Variants in CSMD1 observed in about 807,000 individuals in gnomAD.
The protein encoded by CSMD1 is CUB and sushi domain-containing protein 1.
In CSMD1, 213 loss-of-function variants were observed where a neutral mutation model predicts 417.5. The observed-to-expected ratio is 0.51, with a 90% CI of 0.46 to 0.57. The LOEUF (loss-of-function observed/expected upper bound fraction) is 0.57. Ranked by LOEUF, CSMD1 falls within the 20% of genes least tolerant of loss-of-function variation. CSMD1 has a pLI of 0.00. For synonymous variants in CSMD1, 2,862 were observed against 1,736.8 expected (o/e 1.65, Z -16.11); for missense variants, 6,923 against 4,529.7 (o/e 1.53, Z -15.17).
At chr8:4,537,885 T>C (rs536167887) in intron 2 of CSMD1, among the ~76,000 whole-genome samples, 54 of 152,338 alleles carry the variant, frequency 3.5e-4, no homozygotes, top group Admixed American at 8.5e-4. Context: ...TTAGAATGCT[T>C]ATTTTCTCAT....
chr8:4,153,101 G>A (rs879098840), intron 3 of CSMD1, among the ~76,000 whole-genome samples: 2 of 152,150 alleles, frequency 1.3e-5, no homozygotes, highest in African/African-American at 4.8e-5. Flanking sequence ...TGTAATTAAT[G>A]TAGCCGTAAA....
At chr8:4,379,977 T>A (rs1802997860) in intron 3 of CSMD1, among the ~76,000 whole-genome samples, 1 of 152,134 alleles carries the variant, frequency 6.6e-6, no homozygotes, top group Non-Finnish European at 1.5e-5. Flanking sequence ...AGAAAACACA[T>A]GGAATAGCAT....
chr8:3,450,642 A>C (rs1021249825), intron 12 of CSMD1, among the ~76,000 whole-genome samples: 2 of 152,014 alleles, frequency 1.3e-5, no homozygotes, highest in African/African-American at 4.8e-5. Context: ...AAGGACATGA[A>C]CTCATCATTT....
At chr8:4,263,042 C>T (rs751525847) in intron 3 of CSMD1, among the ~76,000 whole-genome samples, 1 of 152,228 alleles carries the variant, frequency 6.6e-6, no homozygotes, top group East Asian at 1.9e-4. Context: ...AATGTTAGAA[C>T]AGAATTGTAT....
chr8:4,787,977 A>G (rs1462511566), intron 1 of CSMD1: 26 of 1,594,998 alleles, frequency 1.6e-5, no homozygotes, highest in East Asian at 4.5e-5. Context: ...AGGAGATCGA[A>G]GCCAACAGAA....
intron 3 of CSMD1, among the ~76,000 whole-genome samples, chr8:4,297,954 G>C (rs916926759): frequency 2.0e-5 from 3 of 152,078 alleles, no homozygotes; most frequent in Non-Finnish European, 4.4e-5. Context: ...GCTAGGTGAC[G>C]GATTACCTGA....
At chr8:4,343,575 G>A (rs1452341499) in intron 3 of CSMD1, among the ~76,000 whole-genome samples, 1 of 152,056 alleles carries the variant, frequency 6.6e-6, no homozygotes, top group Non-Finnish European at 1.5e-5. Flanking sequence ...AATAGAGCTG[G>A]AATAAAGTAT....
chr8:4,273,779 C>G (rs746937693), intron 3 of CSMD1, among the ~76,000 whole-genome samples: 19 of 152,144 alleles, frequency 1.2e-4, no homozygotes, highest in Non-Finnish European at 1.6e-4. Flanking sequence ...CCTCTGTAAG[C>G]TTCTGTCTGC....
intron 2 of CSMD1, among the ~76,000 whole-genome samples, chr8:4,486,485 T>C (rs1469000941): frequency 2.0e-5 from 3 of 151,816 alleles, no homozygotes; most frequent in African/African-American, 7.3e-5. Context: ...ATATTAGTTT[T>C]AGATTTTAAA....
chr8:3,475,962 T>C (rs1352738784), intron 11 of CSMD1, among the ~76,000 whole-genome samples: 1 of 152,228 alleles, frequency 6.6e-6, no homozygotes, highest in African/African-American at 2.4e-5. Flanking sequence ...TTTTACTGTG[T>C]AGACAAGAAC....
At chr8:4,051,113 C>G (rs1056770051) in intron 3 of CSMD1, among the ~76,000 whole-genome samples, 1 of 151,128 alleles carries the variant, frequency 6.6e-6, no homozygotes, top group Non-Finnish European at 1.5e-5. Context: ...AAGGGAGAAC[C>G]AGGAAAAAGA....
chr8:4,778,183 C>A (rs1001197941), intron 1 of CSMD1, among the ~76,000 whole-genome samples: 1 of 152,060 alleles, frequency 6.6e-6, no homozygotes, highest in Non-Finnish European at 1.5e-5. Context: ...ATAAAATTTT[C>A]CATTCATTAA....
At chr8:4,058,169 T>C (rs761080293) in intron 3 of CSMD1, among the ~76,000 whole-genome samples, 2 of 152,202 alleles carry the variant, frequency 1.3e-5, no homozygotes, top group Non-Finnish European at 2.9e-5. Flanking sequence ...CCCATGAGCA[T>C]GGAATGTTCT....
chr8:4,068,006 T>A (rs1799341969), intron 3 of CSMD1, among the ~76,000 whole-genome samples: 1 of 151,580 alleles, frequency 6.6e-6, no homozygotes, highest in African/African-American at 2.4e-5. Context: ...GAACCCTGAG[T>A]GGGGGCGAAG....
chr8:3,725,432 G>A (rs1802425829), intron 6 of CSMD1, among the ~76,000 whole-genome samples: 1 of 152,166 alleles, frequency 6.6e-6, no homozygotes, highest in Non-Finnish European at 1.5e-5. Flanking sequence ...CAGAGATTTG[G>A]GACCAAAGCT....
chr8:3,447,993 G>T (rs985985666), intron 12 of CSMD1, among the ~76,000 whole-genome samples: 2 of 152,090 alleles, frequency 1.3e-5, no homozygotes, highest in Non-Finnish European at 2.9e-5. Context: ...CTGAGGAAAT[G>T]AGAGTCCTGA....
chr8:4,353,638 C>A (rs1448000105), intron 3 of CSMD1, among the ~76,000 whole-genome samples: 1 of 152,044 alleles, frequency 6.6e-6, no homozygotes, highest in Admixed American at 6.6e-5. Flanking sequence ...CCCAACGGGA[C>A]AGGCTAAACC....
chr8:4,316,047 A>G (rs927444122), intron 3 of CSMD1, among the ~76,000 whole-genome samples: 1 of 152,122 alleles, frequency 6.6e-6, no homozygotes, highest in African/African-American at 2.4e-5. Flanking sequence ...TATCCCACTG[A>G]GAAATATATG....
At chr8:2,945,440 G>A (rs1326422452) in intron 68 of CSMD1, among the ~76,000 whole-genome samples, 1 of 152,200 alleles carries the variant, frequency 6.6e-6, no homozygotes, top group East Asian at 1.9e-4. Flanking sequence ...GGACATTAAG[G>A]GTGTTTCTAA....
Sources: gnomAD v4.1 joint callset for allele counts (sites outside exome capture counted in the v4.1 genomes callset) on GRCh38, gnomAD v4.1.1 for gene constraint, MANE v1.5 for transcripts, NCBI Gene and HGNC (gene_info 2026-07-23, HGNC 2026-07-21) for gene names.